The following SNRPN variants were observed in gnomAD, a reference collection of about 807,000 sequenced individuals.
The protein encoded by SNRPN is small nuclear ribonucleoprotein-associated protein N.
Under a neutral mutation model 25.2 loss-of-function variants are expected in SNRPN, and 7 were observed. That is an observed-to-expected ratio of 0.28 (90% CI 0.16 to 0.52). The LOEUF is 0.52. Ranked by LOEUF, SNRPN falls within the 20% of genes least tolerant of loss-of-function variation. The probability of loss-of-function intolerance (pLI) is 0.96; values close to 1 mark genes in which losing one functional copy is unlikely to be tolerated. For synonymous variants in SNRPN, 124 were observed against 110.6 expected, an observed-to-expected ratio of 1.12 and a Z score of -0.76; for missense variants, 196 against 322.5, an observed-to-expected ratio of 0.61 and a Z score of 3.00.
At chr15:24,846,396 G>A (rs1341927084) in intron 2 of SNRPN, among the ~76,000 whole-genome samples, 1 of 152,136 alleles carries the variant, frequency 6.6e-6, no homozygotes, top group Non-Finnish European at 1.5e-5. Context: ...ATTGCTACTT[G>A]TGAGGGATGG....
intron 3 of SNRPN, among the ~76,000 whole-genome samples, chr15:24,941,231 C>T (rs2153046005): frequency 6.6e-6 from 1 of 152,264 alleles, no homozygotes; most frequent in South Asian, 2.1e-4. Flanking sequence ...TCTGCCTTGG[C>T]CTCCCAAAGT....
At chr15:24,907,948 G>C (rs1193014730) in intron 2 of SNRPN, among the ~76,000 whole-genome samples, 2 of 151,582 alleles carry the variant, frequency 1.3e-5, no homozygotes, top group African/African-American at 2.4e-5. Context: ...AGCTACTCGG[G>C]GGGCTGAGGC....
At chr15:24,904,038 C>CA (rs772062635) in intron 2 of SNRPN, among the ~76,000 whole-genome samples, 21,364 of 109,602 alleles carry the variant, frequency 0.19, 1,601 homozygotes, top group Middle Eastern at 0.29. Flanking sequence ...AGTCCTGTCT[C>CA]AAAAAAAAAA....
intron 2 of SNRPN, among the ~76,000 whole-genome samples, chr15:24,898,797 G>A (rs2058252055): frequency 1.3e-5 from 2 of 152,220 alleles, no homozygotes; most frequent in East Asian, 1.9e-4. Context: ...GAAGTCCCAC[G>A]GAGTCAAAGG....
intron 2 of SNRPN, among the ~76,000 whole-genome samples, chr15:24,967,596 C>T (rs1166021088): frequency 2.6e-5 from 4 of 151,076 alleles, no homozygotes; most frequent in African/African-American, 4.9e-5. Context: ...GAGCCCAGAT[C>T]GTGCCACTGC....
At chr15:24,886,411 A>G (rs926408270) in intron 1 of SNRPN, 3 of 152,204 alleles carry the variant, frequency 2.0e-5, no homozygotes, top group African/African-American at 7.2e-5. Flanking sequence ...CCCACACTGC[A>G]AGGCCCCATT....
At chr15:24,866,899 G>A (rs1160772585) in intron 1 of SNRPN, among the ~76,000 whole-genome samples, 4 of 132,154 alleles carry the variant, frequency 3.0e-5, no homozygotes, top group Non-Finnish European at 6.2e-5. Context: ...ATTCCATTGG[G>A]GATTATATAT....
intron 3 of SNRPN, among the ~76,000 whole-genome samples, chr15:24,925,891 C>T (rs2060347096): frequency 6.6e-6 from 1 of 152,126 alleles, no homozygotes; most frequent in East Asian, 1.9e-4. Context: ...CCCGCAACCA[C>T]ACCCGGCTAA....
At chr15:24,970,908 T>G (rs2153626959) in intron 3 of SNRPN, among the ~76,000 whole-genome samples, 1 of 152,328 alleles carries the variant, frequency 6.6e-6, no homozygotes, top group African/African-American at 2.4e-5. Flanking sequence ...CATTTAGTTT[T>G]CTTTTGTCAC....
At chr15:24,970,333 A>G (rs2076239786) in intron 3 of SNRPN, among the ~76,000 whole-genome samples, 1 of 152,170 alleles carries the variant, frequency 6.6e-6, no homozygotes, top group African/African-American at 2.4e-5. Context: ...TCATCCTAGC[A>G]CTTGGGGAGG....
intron 3 of SNRPN, among the ~76,000 whole-genome samples, chr15:24,923,176 G>A (rs1304951336): frequency 3.9e-5 from 6 of 152,132 alleles, no homozygotes; most frequent in Non-Finnish European, 8.8e-5. Flanking sequence ...AAAGTGCTGG[G>A]ATTACAGGTG....
chr15:24,954,867 G>C, upstream of SNRPN: 2 of 788,456 alleles, frequency 2.5e-6, no homozygotes, highest in Non-Finnish European at 4.1e-6. Context: ...CGGTGAGGGA[G>C]GGAGCTGGGA....
chr15:24,911,741 C>A (rs2059233995), intron 2 of SNRPN, among the ~76,000 whole-genome samples: 1 of 152,204 alleles, frequency 6.6e-6, no homozygotes, highest in South Asian at 2.1e-4. Context: ...GCTGTAGGGG[C>A]AGGGCTGCCA....
chr15:24,964,457 TA>T (rs1234578633), intron 2 of SNRPN, among the ~76,000 whole-genome samples: 3 of 152,060 alleles, frequency 2.0e-5, no homozygotes, highest in Non-Finnish European at 4.4e-5. Flanking sequence ...CATGCCTGGC[TA>T]ATTTTGTATT....
At chr15:24,975,648 G>T (rs1427972548) in intron 5 of SNRPN, 139 bp downstream of exon 5, 1 of 681,804 alleles carries the variant, frequency 1.5e-6, no homozygotes, top group East Asian at 2.5e-5. Flanking sequence ...TTAACCTCTT[G>T]ACCTGATCTC....
chr15:24,902,350 AG>A (rs1383040385), intron 2 of SNRPN, among the ~76,000 whole-genome samples: 1 of 152,238 alleles, frequency 6.6e-6, no homozygotes, highest in African/African-American at 2.4e-5. Context: ...AATGCTATCT[AG>A]AGGAAGAAAA....
intron 8 of SNRPN, 87 bp downstream of exon 8, chr15:24,978,003 A>C (rs2077261383): frequency 7.5e-7 from 1 of 1,340,120 alleles, no homozygotes; most frequent in Admixed American, 2.3e-5. Context: ...GAGCCTAAGA[A>C]TTTGGGGAAT....
intron 1 of SNRPN, among the ~76,000 whole-genome samples, chr15:24,957,967 C>A (rs1387610018): frequency 6.6e-6 from 1 of 152,072 alleles, no homozygotes; most frequent in African/African-American, 2.4e-5. Context: ...TTTTTGGAGG[C>A]AGGGAGTGGC....
chr15:24,855,791 C>CAA (rs56081812), upstream of SNRPN, among the ~76,000 whole-genome samples: 332 of 71,628 alleles, frequency 4.6e-3, 4 homozygotes, highest in African/African-American at 8.5e-3. Flanking sequence ...GAATCTGTCT[C>CAA]AAAAAAAAAA....
Sources: allele counts gnomAD v4.1 joint callset (sites outside exome capture counted in the v4.1 genomes callset), GRCh38; gene constraint gnomAD v4.1.1; transcripts MANE v1.5; gene names NCBI Gene and HGNC (gene_info 2026-07-23, HGNC 2026-07-21).